The following PRMT7 variants were observed in gnomAD, a reference collection of about 807,000 sequenced individuals.
The protein encoded by PRMT7 is protein arginine methyltransferase 7, also known as protein arginine N-methyltransferase 7.
Under a neutral mutation model 85.4 loss-of-function variants are expected in PRMT7, and 75 were observed. The ratio of observed to expected loss-of-function variants is 0.88; its 90% CI spans 0.73 to 1.06. The LOEUF (loss-of-function observed/expected upper bound fraction) is 1.06, where lower values mean the gene tolerates loss of function less well. Among genes scored for constraint, PRMT7 ranks in the 50% least tolerant of loss-of-function variants. PRMT7 has a pLI of 0.00. For missense variants in PRMT7, 868 were observed against 915.2 expected, an observed-to-expected ratio of 0.95 and a Z score of 0.67; for synonymous variants, 397 against 359.5, an observed-to-expected ratio of 1.10 and a Z score of -1.18.
chr16:68,359,575 A>G (rs185987987), downstream of PRMT7: 179 of 152,890 alleles, frequency 1.2e-3, 1 homozygote, highest in African/African-American at 4.2e-3. Context: ...TTGCAGCTCA[A>G]TGGGTGACAA....
rs199589649 is a variant in PRMT7 at position 68,324,760 on chromosome 16, C to T, written c.210C>T (p.Asp70=). ...KDRGQKALVL[D]IGTGTGLLSM... ...GAGGACAGAAGGCCTTGGTTCTCGA[C>T]ATTGGCACTGGCACGGGACTCTTGT... Residue 70 remains aspartate (D), a synonymous_variant, in exon 5 of 19, where the codon GAC becomes GAT. Coordinates refer to ENST00000441236, the MANE Select transcript of PRMT7 (RefSeq NM_019023.5). The T allele has an allele frequency of 9.5e-5, 154 of 1,613,854 alleles. 1 individual carries two copies. The highest frequency in any genetic ancestry group is 6.6e-4 in the Middle Eastern group (4 of 6,078).
intron 10 of PRMT7, 84 bp downstream of exon 10, chr16:68,345,886 A>G: frequency 6.3e-7 from 1 of 1,576,636 alleles, no homozygotes; most frequent in Non-Finnish European, 8.6e-7. Flanking sequence ...TGGAGGTGCC[A>G]GTGGGTTGAT....
intron 6 of PRMT7, among the ~76,000 whole-genome samples, chr16:68,334,154 C>A (rs1199205664): frequency 6.6e-6 from 1 of 152,242 alleles, no homozygotes; most frequent in East Asian, 1.9e-4. Context: ...TCTGTATCCC[C>A]ACCCAGCTGA....
At chr16:68,331,662 T>TG (rs2083928167) in intron 6 of PRMT7, among the ~76,000 whole-genome samples, 1 of 152,084 alleles carries the variant, frequency 6.6e-6, no homozygotes, top group East Asian at 1.9e-4. Context: ...TTTGTAGAGA[T>TG]GGGATCTCAG....
chr16:68,357,174 G>C lies in PRMT7; in HGVS notation c.2029G>C (p.Asp677His). The change falls in exon 19 of 19, where the codon GAC (aspartate) becomes CAC (histidine). Residue 677 changes from aspartate to histidine, a missense_variant. Coordinates refer to ENST00000441236, the MANE Select transcript of PRMT7 (RefSeq NM_019023.5). ...CAGCTATGCAGTGGAGTTTCACCCC[G>C]ACACAGGCGACATCATCATGGAGTT... Reference protein sequence around the residue: ...TVSYAVEFHPDTGDIIMEFRH... With the variant: ...TVSYAVEFHPHTGDIIMEFRH... 6.2e-7 allele frequency: 1 copy of C among 1,613,974 alleles called. No individual in the cohort carries two copies. The highest frequency in any genetic ancestry group is 8.5e-7 in the Non-Finnish European group (1 of 1,179,996).
intron 9 of PRMT7, among the ~76,000 whole-genome samples, chr16:68,341,742 G>A (rs544685988): frequency 8.2e-4 from 125 of 152,236 alleles, no homozygotes; most frequent in African/African-American, 2.9e-3. Context: ...TTTGGCAGGC[G>A]AGGGAGTCCA....
In PRMT7 at chr16:68,337,531, C is replaced by T. The variant is rs371750232; in HGVS notation, c.464C>T (p.Ala155Val). ...GACACAGAGCTGATCGGGGAGGGGG[C>T]GCTGCCCTCCTATGAGCACGCACAC... ...LFDTELIGEG[A>V]LPSYEHAHRH... Residue 155 changes from alanine (A) to valine (V), a missense_variant, in exon 7 of 19, where the codon GCG (alanine) becomes GTG (valine). Physicochemically the swap from Ala to Val is moderately conservative, Grantham distance 64. Coordinates refer to ENST00000441236, the MANE Select transcript of PRMT7 (RefSeq NM_019023.5). 59 of 1,610,830 alleles carry T rather than the reference C, an allele frequency of 3.7e-5. No homozygotes were observed. The highest frequency in any genetic ancestry group is 3.3e-4 in the Middle Eastern group (2 of 6,074).
intron 6 of PRMT7, 38 bp downstream of exon 6, chr16:68,329,212 C>T (rs2083510426): frequency 6.8e-7 from 1 of 1,459,952 alleles, no homozygotes; most frequent in South Asian, 1.1e-5. Context: ...GCTTTGCTTG[C>T]TCTTGTGTGA....
Position 68,342,384 on chromosome 16 carries a change from G to A in PRMT7, c.927+2416G>A, listed in dbSNP as rs77863587. Among the ~76,000 whole-genome samples the A allele has an allele frequency of 9.5e-3, 1,443 of 152,316 alleles. 26 individuals carry two copies. The highest frequency in any genetic ancestry group is 0.033 in the African/African-American group (1,372 of 41,570). Reference sequence around the variant, plus strand: ...GGCAGTTTGGACATTAAAGCAAAATGGGGGTTGGTTAGATGAGATCTCTTT... The same window carrying A: ...GGCAGTTTGGACATTAAAGCAAAATAGGGGTTGGTTAGATGAGATCTCTTT... On this transcript the variant is annotated intron_variant, in intron 9 of 18. Transcript: ENST00000441236.
chr16:68,352,217 A>G, intron 14 of PRMT7, 31 bp from the exon 15 acceptor site: 1 of 1,607,836 alleles, frequency 6.2e-7, no homozygotes, highest in Non-Finnish European at 8.5e-7. Flanking sequence ...CCCTACTGAC[A>G]CCTGGGCCCT....
At chr16:68,328,751 G>A (rs113518480) in intron 5 of PRMT7, among the ~76,000 whole-genome samples, 9,041 of 152,124 alleles carry the variant, frequency 0.059, 377 homozygotes, top group Non-Finnish European at 0.091. Flanking sequence ...CGCCTCCCAG[G>A]TTCGTGAGGC....
chr16:68,343,561 G>A (rs1022061824), intron 9 of PRMT7, among the ~76,000 whole-genome samples: 1 of 152,162 alleles, frequency 6.6e-6, no homozygotes, highest in South Asian at 2.1e-4. Flanking sequence ...GCTCCTCAAC[G>A]TTAGGACCCA....
chr16:68,335,226 A>G (rs959693751), intron 6 of PRMT7, among the ~76,000 whole-genome samples: 1 of 151,970 alleles, frequency 6.6e-6, no homozygotes, highest in African/African-American at 2.4e-5. Context: ...GAAATCAATA[A>G]TTTATCTAAT....
At chr16:68,318,901 C>G (rs2082175041) in intron 3 of PRMT7, 1 of 152,362 alleles carries the variant, frequency 6.6e-6, no homozygotes, top group Non-Finnish European at 1.5e-5. Context: ...TTGGAACACT[C>G]ACTGAGAGCG....
At position 68,312,167 on chromosome 16, in the gene PRMT7, C is replaced by T. The variant is rs762383011; in HGVS notation, c.-93C>T. ...TAGCTGGGACTACAGGCACGCGCCA[C>T]TACACTCGGGTAATTTTTAATTTTA... On this transcript the variant is annotated 5_prime_UTR_variant, in exon 2 of 19. Coordinates refer to ENST00000441236, the MANE Select transcript of PRMT7 (RefSeq NM_019023.5). 80 of 149,884 alleles carry T rather than the reference C, an allele frequency of 5.3e-4. No homozygotes were observed. The highest frequency in any genetic ancestry group is 3.7e-3 in the Admixed American group (56 of 15,048). 9.3% of individuals were successfully genotyped at this position (149,884 alleles called of 1,614,324 possible).
In PRMT7 at chr16:68,337,574, A is replaced by G. The variant is rs764391841; in HGVS notation, c.504+3A>G. 70 of 1,594,442 alleles carry G rather than the reference A, an allele frequency of 4.4e-5. No homozygotes were observed. Among genetic ancestry groups the G allele is most frequent in the Non-Finnish European group, 6.0e-5 (70 of 1,165,570 alleles). ...ACGCACACAGGCATCTCGTGGAGGT[A>G]GTAGACGGAGGGCTCCCTCAGACGT... is the stretch of plus-strand genomic sequence containing the variant. On this transcript the variant is annotated splice_donor_region_variant and intron_variant, in intron 7 of 18. Transcript: ENST00000441236.
rs897254737 is a variant in PRMT7, at chr16:68,357,120, A to G, written c.1975A>G (p.Arg659Gly). Residue 659 changes from arginine (R) to glycine (G), a missense_variant, in exon 19 of 19, where the codon AGA (arginine) becomes GGA (glycine). Coordinates refer to ENST00000441236, the MANE Select transcript of PRMT7 (RefSeq NM_019023.5). ...VYFFSPAPDPRALLGGPRTVS... is the reference protein window; with the variant it reads ...VYFFSPAPDPGALLGGPRTVS... The stretch of plus-strand genomic sequence containing the variant: ...CTTCTTCAGCCCTGCCCCAGATCCC[A>G]GAGCACTGCTGGGTGGCCCACGGAC... 6.2e-7 allele frequency: 1 copy of G among 1,613,822 alleles called. No homozygotes were observed. The highest frequency in any genetic ancestry group is 1.3e-5 in the African/African-American group (1 of 74,938).
At chr16:68,349,152 C>T (rs941387637) in intron 14 of PRMT7, among the ~76,000 whole-genome samples, 7 of 152,182 alleles carry the variant, frequency 4.6e-5, no homozygotes, top group Non-Finnish European at 8.8e-5. Context: ...CTGCAGGCTT[C>T]ATCTGCTCTA....
At chr16:68,328,947 A>G in intron 5 of PRMT7, 119 bp from the exon 6 acceptor site, 1 of 654,702 alleles carries the variant, frequency 1.5e-6, no homozygotes, top group South Asian at 1.8e-5. Context: ...TTTGGAGAAT[A>G]AAGTATTTAA....
Sources: gnomAD v4.1 joint callset for allele counts (sites outside exome capture counted in the v4.1 genomes callset) on GRCh38, gnomAD v4.1.1 for gene constraint, MANE v1.5 for transcripts, NCBI Gene and HGNC (gene_info 2026-07-23, HGNC 2026-07-21) for gene names.